DPY19L4: variants seen among roughly 807,000 people sequenced by gnomAD.
The protein encoded by DPY19L4 is probable C-mannosyltransferase DPY19L4.
Under a neutral mutation model 102.8 loss-of-function variants are expected in DPY19L4, and 97 were observed. The ratio of observed to expected loss-of-function variants is 0.94; its 90% CI spans 0.80 to 1.12. The LOEUF (loss-of-function observed/expected upper bound fraction) is 1.12. Ranked by LOEUF, DPY19L4 falls within the 50% of genes most tolerant of loss-of-function variation. DPY19L4 has a pLI of 0.00. For missense variants in DPY19L4, 815 were observed against 850.4 expected (o/e 0.96, Z 0.52); for synonymous variants, 252 against 283.1 (o/e 0.89, Z 1.10).
chr8:94,783,582 TTGTC>T (rs2130936631), intron 16 of DPY19L4, 84 bp from the exon 17 acceptor site: 1 of 1,463,170 alleles, frequency 6.8e-7, no homozygotes, highest in Non-Finnish European at 9.1e-7. Context: ...ACATTGTAAG[TTGTC>T]TGGTATTTCA....
At chr8:94,762,152 C>A (rs910630153) in intron 8 of DPY19L4, among the ~76,000 whole-genome samples, 2 of 152,180 alleles carry the variant, frequency 1.3e-5, no homozygotes, top group Non-Finnish European at 2.9e-5. Flanking sequence ...AGCTGATACT[C>A]AGACTTTTGA....
chr8:94,770,174 A>G (rs1173555661), intron 12 of DPY19L4, among the ~76,000 whole-genome samples: 1 of 152,188 alleles, frequency 6.6e-6, no homozygotes, highest in East Asian at 1.9e-4. Flanking sequence ...GGCGTAAGTC[A>G]CTGCCCCTAA....
chr8:94,722,724 C>T (rs1353095693), intron 1 of DPY19L4, among the ~76,000 whole-genome samples: 1 of 151,814 alleles, frequency 6.6e-6, no homozygotes, highest in Non-Finnish European at 1.5e-5. Context: ...ACTTTTTTTC[C>T]CCCAGAATCC....
intron 16 of DPY19L4, among the ~76,000 whole-genome samples, chr8:94,782,095 T>G (rs967831679): frequency 1.3e-5 from 2 of 152,206 alleles, no homozygotes; most frequent in African/African-American, 4.8e-5. Flanking sequence ...CATTTAGGGT[T>G]TGCTACATAA....
At chr8:94,788,257 A>G (rs1200570299) in intron 18 of DPY19L4, among the ~76,000 whole-genome samples, 1 of 151,950 alleles carries the variant, frequency 6.6e-6, no homozygotes, top group African/African-American at 2.4e-5. Context: ...ATTTTTGCAA[A>G]AATAATAAAA....
intron 6 of DPY19L4, among the ~76,000 whole-genome samples, chr8:94,755,546 C>T (rs1223626173): frequency 6.6e-6 from 1 of 152,114 alleles, no homozygotes; most frequent in Non-Finnish European, 1.5e-5. Flanking sequence ...TTCTTGGGGG[C>T]AGCGGGGGCT....
Position 94,790,244 on chromosome 8 carries a change from G to T in DPY19L4, c.*334G>T, listed in dbSNP as rs1466400829. 1 of 162,904 alleles carries T rather than the reference G, an allele frequency of 6.1e-6. No individual in the cohort carries two copies. The highest frequency in any genetic ancestry group is 1.7e-4 in the East Asian group (1 of 5,754). 10.1% of individuals were successfully genotyped at this position (162,904 alleles called of 1,614,324 possible). A position where few individuals can be genotyped will look rare whatever the true frequency, so the allele number is the denominator to read the frequency against. ...GATCTTGAATTTGAATATGTGCAAG[G>T]TCAGATACATTTCTCAAACATAACA... On this transcript the variant is annotated 3_prime_UTR_variant, in exon 19 of 19. Transcript: ENST00000414645.
Position 94,789,898 on chromosome 8 carries a change from C to G in DPY19L4, c.2160C>G (p.Ser720=). The change falls in exon 19 of 19, where the codon TCC becomes TCG. Residue 720 remains serine, a synonymous_variant. Coordinates refer to ENST00000414645, the MANE Select transcript of DPY19L4 (RefSeq NM_181787.3). The part of the protein sequence containing the change: ...YFVYKINTVI[S]FQS ...TATATAAAATCAACACTGTGATATC[C>G]TTCCAGTCTTGAAAAATAACAGAGC... 3 of 1,591,032 alleles carry G rather than the reference C, an allele frequency of 1.9e-6. No homozygotes were observed. The highest frequency in any genetic ancestry group is 2.6e-6 in the Non-Finnish European group (3 of 1,173,542).
intron 7 of DPY19L4, among the ~76,000 whole-genome samples, chr8:94,758,797 C>T (rs1812275137): frequency 6.6e-6 from 1 of 151,180 alleles, no homozygotes; most frequent in Non-Finnish European, 1.5e-5. Flanking sequence ...TACAGTGGGA[C>T]AATCTCAGCT....
At chr8:94,730,210 G>A (rs1317340966) in intron 2 of DPY19L4, among the ~76,000 whole-genome samples, 4 of 151,736 alleles carry the variant, frequency 2.6e-5, no homozygotes, top group Non-Finnish European at 4.4e-5. Flanking sequence ...TTAATTTTGT[G>A]TGCCTGATCA....
In DPY19L4 at chr8:94,748,792, G is replaced by C. The variant is rs1485048738; in HGVS notation, c.612-7244G>C. Among the ~76,000 whole-genome samples, 5 of 152,160 alleles carry C rather than the reference G, an allele frequency of 3.3e-5. No homozygotes were observed. In the East Asian group the frequency reaches 9.6e-4, roughly 29 times the overall value. ...CCTATTGTGAACTGCGCATTTGAGGGATCTAGGTTGTGTGCTCCTTATGAG... is the reference window on the plus strand; with the variant it reads ...CCTATTGTGAACTGCGCATTTGAGGCATCTAGGTTGTGTGCTCCTTATGAG... On this transcript the variant is annotated intron_variant, in intron 6 of 18. Coordinates refer to ENST00000414645, the MANE Select transcript of DPY19L4 (RefSeq NM_181787.3).
intron 7 of DPY19L4, among the ~76,000 whole-genome samples, chr8:94,758,662 T>C (rs1812268295): frequency 6.6e-6 from 1 of 152,212 alleles, no homozygotes; most frequent in African/African-American, 2.4e-5. Flanking sequence ...AGCCTAATAA[T>C]GCCCTTGACA....
Position 94,726,346 on chromosome 8 carries a change from T to C in DPY19L4, c.32T>C (p.Leu11Pro), listed in dbSNP as rs1481211518. The part of the protein sequence containing the change: MAEEEGPPVE[L>P]RQRKKPKSSE... ...ATATTTTAAGGACCACCTGTAGAGC[T>C]GCGCCAAAGAAAAAAGCCAAAGTCT... The change falls in exon 2 of 19, where the codon CTG (leucine) becomes CCG (proline). Residue 11 changes from leucine (L) to proline (P), a missense_variant. Coordinates refer to ENST00000414645, the MANE Select transcript of DPY19L4 (RefSeq NM_181787.3). 3 of 1,609,704 alleles carry C rather than the reference T, an allele frequency of 1.9e-6. No homozygotes were observed. Among genetic ancestry groups the C allele is most frequent in the Non-Finnish European group, 2.5e-6 (3 of 1,179,080 alleles).
intron 17 of DPY19L4, among the ~76,000 whole-genome samples, chr8:94,784,686 TC>T (rs1204614674): frequency 6.6e-6 from 1 of 152,224 alleles, no homozygotes; most frequent in Non-Finnish European, 1.5e-5. Context: ...TGCCTTGGCT[TC>T]CCAAAGTGCT....
At position 94,750,429 on chromosome 8, in the gene DPY19L4, G is replaced by T. The variant is rs192380698; in HGVS notation, c.612-5607G>T. On this transcript the variant is annotated intron_variant, in intron 6 of 18. Coordinates refer to ENST00000414645, the MANE Select transcript of DPY19L4 (RefSeq NM_181787.3). ...TTGTTAAGTAAAAAATAGTTTGTTAGAGAATTAGAAAAGAGCTAAGATTTG... is the reference window on the plus strand; with the variant it reads ...TTGTTAAGTAAAAAATAGTTTGTTATAGAATTAGAAAAGAGCTAAGATTTG... Among the ~76,000 whole-genome samples the T allele has an allele frequency of 6.6e-5, 10 of 152,286 alleles. No individual in the cohort carries two copies. The East Asian group carries it at 1.9e-3, about 29-fold the overall frequency.
At position 94,777,785 on chromosome 8, in the gene DPY19L4, T is replaced by G. The variant is rs763931384; in HGVS notation, c.1574T>G (p.Leu525Trp). 1 of 1,605,216 alleles carries G rather than the reference T, an allele frequency of 6.2e-7. No individual in the cohort carries two copies. The highest frequency in any genetic ancestry group is 8.5e-7 in the Non-Finnish European group (1 of 1,175,940). ...LRLRTVHPIL[L>W]ALILSMAVPT... ...TTAAGAACTGTACACCCAATATTGT[T>G]GGTGAGTCATTATTTTGCATTGTTT... The change falls in exon 14 of 19, where the codon TTG becomes TGG. Residue 525 changes from leucine (L) to tryptophan (W), a missense_variant and splice_region_variant. Leu to Trp is a moderately conservative substitution (Grantham distance 61). Coordinates refer to ENST00000414645, the MANE Select transcript of DPY19L4 (RefSeq NM_181787.3).
intron 2 of DPY19L4, among the ~76,000 whole-genome samples, chr8:94,729,113 G>C (rs987595747): frequency 6.6e-6 from 1 of 152,148 alleles, no homozygotes; most frequent in Admixed American, 6.6e-5. Context: ...GCTTAAGCCT[G>C]TAATCCCAGC....
rs543449125 is a variant in DPY19L4, at chr8:94,761,111, T to C, written c.736-589T>C. ...TGATGAATACCAGCATTTAAGTTAT[T>C]TGGACAGAGAGAAGTTAACATAAAT... On this transcript the variant is annotated intron_variant, in intron 7 of 18. Transcript: ENST00000414645. 2.0e-5 allele frequency among the ~76,000 whole-genome samples: 3 copies of C among 152,280 alleles called. No individual in the cohort carries two copies. In the South Asian group the frequency reaches 6.2e-4, roughly 32 times the overall value.
intron 11 of DPY19L4, among the ~76,000 whole-genome samples, chr8:94,767,687 C>G (rs1812739781): frequency 6.6e-6 from 1 of 152,072 alleles, no homozygotes; most frequent in Non-Finnish European, 1.5e-5. Context: ...TATGATTTAT[C>G]TTAATAAGTA....
Sources: gnomAD v4.1 joint callset for allele counts (sites outside exome capture counted in the v4.1 genomes callset) on GRCh38, gnomAD v4.1.1 for gene constraint, MANE v1.5 for transcripts, NCBI Gene and HGNC (gene_info 2026-07-23, HGNC 2026-07-21) for gene names.